The following SLC24A2 variants were observed in gnomAD, a reference collection of about 807,000 sequenced individuals.
The protein encoded by SLC24A2 is solute carrier family 24 member 2, also known as sodium/potassium/calcium exchanger 2.
A neutral mutation model predicts 62.0 loss-of-function variants in SLC24A2; 36 were observed. That is an observed-to-expected ratio of 0.58 (90% CI 0.44 to 0.77). SLC24A2 has a LOEUF of 0.77. SLC24A2 is among the 30% of genes least tolerant of loss of function. SLC24A2 has a pLI of 0.00. For synonymous variants in SLC24A2, 358 were observed against 294.0 expected (o/e 1.22, Z -2.23); for missense variants, 846 against 817.9 (o/e 1.03, Z -0.42).
At chr9:19,593,617 C>T (rs1447208882) in intron 5 of SLC24A2, among the ~76,000 whole-genome samples, 4 of 152,132 alleles carry the variant, frequency 2.6e-5, no homozygotes, top group Non-Finnish European at 4.4e-5. Context: ...TCATTGTTGT[C>T]CACACCGTGA....
chr9:19,519,522 C>T (rs1024668367), intron 10 of SLC24A2, among the ~76,000 whole-genome samples: 13 of 152,168 alleles, frequency 8.5e-5, no homozygotes, highest in African/African-American at 3.1e-4. Flanking sequence ...ACACTGTTTA[C>T]AGTAGGTACA....
intron 8 of SLC24A2, among the ~76,000 whole-genome samples, chr9:19,543,986 G>A (rs1033111674): frequency 6.6e-6 from 1 of 152,112 alleles, no homozygotes; most frequent in Non-Finnish European, 1.5e-5. Flanking sequence ...GGATATCCTT[G>A]CTAATTTTCT....
intron 2 of SLC24A2, among the ~76,000 whole-genome samples, chr9:19,779,845 G>A (rs941984880): frequency 1.3e-5 from 2 of 152,154 alleles, no homozygotes; most frequent in African/African-American, 4.8e-5. Context: ...GGATCATGAG[G>A]TCAGGAGATG....
At chr9:19,873,988 A>C in the SLC24A2 span, among the ~76,000 whole-genome samples, 1 of 152,208 alleles carries the variant, frequency 6.6e-6, no homozygotes, top group African/African-American at 2.4e-5. Context: ...AAATCCCTTT[A>C]AACAATGGCT....
intron 2 of SLC24A2, among the ~76,000 whole-genome samples, chr9:19,629,883 T>C (rs62563279): frequency 0.03 from 4,533 of 152,322 alleles, 69 homozygotes; most frequent in Middle Eastern, 0.068. Flanking sequence ...ATGGCAAGTT[T>C]TGAATAAAGA....
chr9:19,779,128 G>C (rs1248039169), intron 2 of SLC24A2, among the ~76,000 whole-genome samples: 1 of 152,166 alleles, frequency 6.6e-6, no homozygotes, highest in Non-Finnish European at 1.5e-5. Context: ...AGAAAACCAT[G>C]AACAGTGAAA....
chr9:19,573,296 G>A (rs763396637), intron 7 of SLC24A2, 55 bp downstream of exon 7: 29 of 1,211,940 alleles, frequency 2.4e-5, no homozygotes, highest in Non-Finnish European at 3.1e-5. Flanking sequence ...GTGCTGCCAC[G>A]CTAGGATATC....
At chr9:20,240,785 A>C in the SLC24A2 span, among the ~76,000 whole-genome samples, 1 of 152,148 alleles carries the variant, frequency 6.6e-6, no homozygotes, top group Non-Finnish European at 1.5e-5. Context: ...AGGGCTTCTA[A>C]GAAGAGGTTA....
the SLC24A2 span, among the ~76,000 whole-genome samples, chr9:20,298,469 T>C: frequency 6.6e-6 from 1 of 152,228 alleles, no homozygotes; most frequent in South Asian, 2.1e-4. Flanking sequence ...CCTCAGGTGA[T>C]CGGCCTGCCT....
intron 2 of SLC24A2, among the ~76,000 whole-genome samples, chr9:19,761,429 CAT>C (rs1243413648): frequency 4.6e-5 from 7 of 151,944 alleles, no homozygotes; most frequent in Non-Finnish European, 7.4e-5. Context: ...AGCTTTTTTT[CAT>C]ATGTTTGTTG....
At chr9:20,131,130 A>G in the SLC24A2 span, among the ~76,000 whole-genome samples, 1 of 151,306 alleles carries the variant, frequency 6.6e-6, no homozygotes, top group Non-Finnish European at 1.5e-5. Flanking sequence ...AGTTCAAAGC[A>G]GGGCTTGCTT....
At chr9:19,854,178 G>A in the SLC24A2 span, among the ~76,000 whole-genome samples, 20 of 152,034 alleles carry the variant, frequency 1.3e-4, no homozygotes, top group African/African-American at 4.8e-4. Flanking sequence ...GTGTTGATTT[G>A]ATTCTTCTCT....
chr9:19,712,636 C>T (rs1041355024), intron 2 of SLC24A2, among the ~76,000 whole-genome samples: 1 of 152,190 alleles, frequency 6.6e-6, no homozygotes, highest in African/African-American at 2.4e-5. Flanking sequence ...CTGCTTGTCA[C>T]TGTGCTCCAG....
chr9:20,201,603 A>AGG, the SLC24A2 span, among the ~76,000 whole-genome samples: 3 of 152,228 alleles, frequency 2.0e-5, no homozygotes, highest in Non-Finnish European at 4.4e-5. Context: ...ATGAAAGCAT[A>AGG]TTGAATTTGT....
chr9:19,590,062 A>G (rs1235068856), intron 5 of SLC24A2, among the ~76,000 whole-genome samples: 1 of 152,178 alleles, frequency 6.6e-6, no homozygotes, highest in Non-Finnish European at 1.5e-5. Flanking sequence ...CTGACCAGCT[A>G]GACTTAAGAG....
At chr9:19,769,970 A>C (rs1822635941) in intron 2 of SLC24A2, among the ~76,000 whole-genome samples, 3 of 152,054 alleles carry the variant, frequency 2.0e-5, no homozygotes, top group Admixed American at 2.0e-4. Flanking sequence ...CACACTGTGC[A>C]CTTACTTTAG....
chr9:19,987,266 C>T, the SLC24A2 span, among the ~76,000 whole-genome samples: 3 of 151,984 alleles, frequency 2.0e-5, no homozygotes, highest in African/African-American at 7.3e-5. Context: ...CTCTTTGCCA[C>T]TGGAATATAA....
At chr9:19,568,722 C>T (rs1835750065) in intron 7 of SLC24A2, among the ~76,000 whole-genome samples, 1 of 152,188 alleles carries the variant, frequency 6.6e-6, no homozygotes, top group Admixed American at 6.5e-5. Flanking sequence ...CACATTGCTC[C>T]TGTATTCATT....
the SLC24A2 span, among the ~76,000 whole-genome samples, chr9:20,154,786 C>A: frequency 6.6e-6 from 1 of 151,582 alleles, no homozygotes; most frequent in South Asian, 2.1e-4. Context: ...AACTCAACAA[C>A]CTCAGGGATC....
Sources: allele counts gnomAD v4.1 joint callset (sites outside exome capture counted in the v4.1 genomes callset), GRCh38; gene constraint gnomAD v4.1.1; transcripts MANE v1.5; gene names NCBI Gene and HGNC (gene_info 2026-07-23, HGNC 2026-07-21).